Variants in SEC22A observed in about 807,000 individuals in gnomAD.
The protein encoded by SEC22A is SEC22 homolog A, vesicle trafficking protein, also known as vesicle-trafficking protein SEC22a.
A neutral mutation model predicts 35.3 loss-of-function variants in SEC22A; 22 were observed. The observed-to-expected ratio is 0.62, with a 90% confidence interval of 0.45 to 0.89. SEC22A has a LOEUF of 0.89. SEC22A is among the 40% of genes least tolerant of loss of function. The pLI, the probability that SEC22A is intolerant of heterozygous loss-of-function variation, is 0.00. For synonymous variants in SEC22A, 119 were observed against 129.5 expected (o/e 0.92, Z 0.55); for missense variants, 354 against 362.5 (o/e 0.98, Z 0.19).
intron 5 of SEC22A, among the ~76,000 whole-genome samples, chr3:123,250,207 C>G (rs1013190087): frequency 7.9e-5 from 12 of 151,974 alleles, no homozygotes; most frequent in Admixed American, 5.9e-4. Flanking sequence ...GTCAAGAGCT[C>G]GAGACCATCC....
At chr3:123,263,638 C>T (rs1374432826) in intron 6 of SEC22A, among the ~76,000 whole-genome samples, 2 of 151,458 alleles carry the variant, frequency 1.3e-5, no homozygotes, top group Non-Finnish European at 2.9e-5. Context: ...GCCTCAGCCT[C>T]CTGAGTAGCT....
intron 4 of SEC22A, among the ~76,000 whole-genome samples, chr3:123,243,386 A>AAGT (rs1937541287): frequency 6.6e-6 from 1 of 152,130 alleles, no homozygotes; most frequent in African/African-American, 2.4e-5. Flanking sequence ...CTGTTGGTAG[A>AAGT]AGTAGTAGTT....
At position 123,209,186 on chromosome 3, in the gene SEC22A, C is replaced by G; in HGVS notation, c.-19-13C>G. 1 of 1,606,754 alleles carries G rather than the reference C, an allele frequency of 6.2e-7. No homozygotes were observed. The highest frequency in any genetic ancestry group is 8.5e-7 in the Non-Finnish European group (1 of 1,174,084). On this transcript the variant is annotated splice_polypyrimidine_tract_variant and intron_variant, in intron 1 of 6. Transcript: ENST00000492595. ...TAATTTTTATGTAACCCAAATTGTT[C>G]ATTTTGTTTTAGGTCTTCTCTGTTG...
In SEC22A at chr3:123,209,143, G is replaced by A. The variant is rs1936896307; in HGVS notation, c.-19-56G>A. On this transcript the variant is annotated intron_variant, in intron 1 of 6. Coordinates refer to ENST00000492595, the MANE Select transcript of SEC22A (RefSeq NM_012430.5). ...TAGTAAGTTGAACATTTTTACATATGCTTATCAAGTTTGGCTTTAATTTTT... is the reference window on the plus strand; with the variant it reads ...TAGTAAGTTGAACATTTTTACATATACTTATCAAGTTTGGCTTTAATTTTT... The A allele has an allele frequency of 1.3e-5, 18 of 1,358,222 alleles. No homozygotes were observed. In the South Asian group the frequency reaches 1.4e-4, roughly 11 times the overall value. The allele number at this position is 1,358,222 out of a possible 1,614,324, so 84.1% of individuals were successfully genotyped here.
intron 1 of SEC22A, among the ~76,000 whole-genome samples, chr3:123,205,549 A>G (rs1343742538): frequency 6.6e-6 from 1 of 152,094 alleles, no homozygotes; most frequent in Admixed American, 6.5e-5. Flanking sequence ...TTAGCCAGGC[A>G]TGGTGGCGGG....
At chr3:123,264,790 A>G (rs1937989082) in intron 6 of SEC22A, among the ~76,000 whole-genome samples, 1 of 151,598 alleles carries the variant, frequency 6.6e-6, no homozygotes, top group South Asian at 2.1e-4. Flanking sequence ...CATCATGCCT[A>G]GCTAATTTTG....
rs371264824 is a variant in SEC22A, at chr3:123,223,760, G to T, written c.346+38G>T. 7.4e-6 allele frequency: 11 copies of T among 1,488,388 alleles called. No homozygotes were observed. The Middle Eastern group carries it at 7.0e-4, about 94-fold the overall frequency. The allele number at this position is 1,488,388 out of a possible 1,614,324, so 92.2% of individuals were successfully genotyped here. A position where few individuals can be genotyped will look rare whatever the true frequency, so the allele number is the denominator to read the frequency against. On this transcript the variant is annotated intron_variant, in intron 3 of 6. Transcript: ENST00000492595. ...TTTTTTTTTCCTTTTTATTCTGTCT[G>T]CATCCAATCATAAGCAATTTTAAAT...
intron 4 of SEC22A, among the ~76,000 whole-genome samples, chr3:123,237,707 T>C (rs1371510991): frequency 2.6e-5 from 4 of 152,182 alleles, no homozygotes; most frequent in Admixed American, 6.5e-5. Flanking sequence ...GGGGTCCAAC[T>C]TGACTTACCA....
intron 6 of SEC22A, among the ~76,000 whole-genome samples, chr3:123,261,842 C>A (rs1438869236): frequency 6.6e-6 from 1 of 152,110 alleles, no homozygotes; most frequent in Admixed American, 6.6e-5. Flanking sequence ...CAGGTGACTA[C>A]CAGGCTATAG....
intron 1 of SEC22A, among the ~76,000 whole-genome samples, chr3:123,206,988 T>C (rs369957524): frequency 6.6e-6 from 1 of 152,190 alleles, no homozygotes; most frequent in South Asian, 2.1e-4. Flanking sequence ...CTCGCGAGGC[T>C]GAGGCATGAG....
chr3:123,222,270 C>G (rs1296562831), intron 2 of SEC22A, among the ~76,000 whole-genome samples: 1 of 152,062 alleles, frequency 6.6e-6, no homozygotes, highest in Non-Finnish European at 1.5e-5. Flanking sequence ...GCAATCTCGG[C>G]TCTTTGCAAC....
intron 6 of SEC22A, among the ~76,000 whole-genome samples, chr3:123,265,926 A>G (rs1938013698): frequency 6.6e-6 from 1 of 152,164 alleles, no homozygotes; most frequent in Admixed American, 6.6e-5. Flanking sequence ...CACCACTACC[A>G]CATAGTCTCG....
intron 4 of SEC22A, among the ~76,000 whole-genome samples, chr3:123,242,552 A>G (rs1449288306): frequency 6.6e-6 from 1 of 151,002 alleles, no homozygotes; most frequent in Non-Finnish European, 1.5e-5. Flanking sequence ...CCAAGCACTC[A>G]GATTCCCATT....
chr3:123,264,335 G>T (rs1248034196), intron 6 of SEC22A, among the ~76,000 whole-genome samples: 1 of 152,222 alleles, frequency 6.6e-6, no homozygotes, highest in African/African-American at 2.4e-5. Context: ...AAATGCCTAG[G>T]AGTACAATTG....
At chr3:123,208,730 A>AC (rs947752290) in intron 1 of SEC22A, 7 of 153,800 alleles carry the variant, frequency 4.6e-5, no homozygotes, top group African/African-American at 1.8e-4. Context: ...AAAAAAAAAA[A>AC]CAAAAAACAA....
intron 6 of SEC22A, among the ~76,000 whole-genome samples, chr3:123,262,293 C>T (rs1219808511): frequency 1.3e-5 from 2 of 152,136 alleles, no homozygotes; most frequent in African/African-American, 4.8e-5. Context: ...AGCAAAGGAT[C>T]AGTGAAGAAA....
At chr3:123,244,936 A>G (rs1351654600) in intron 4 of SEC22A, among the ~76,000 whole-genome samples, 2 of 152,196 alleles carry the variant, frequency 1.3e-5, no homozygotes, top group African/African-American at 4.8e-5. Flanking sequence ...AAGCTATTGT[A>G]TAACTTTTGT....
In SEC22A at chr3:123,241,572, C is replaced by T. The variant is rs1937523333; in HGVS notation, c.542-4327C>T. 2.0e-5 allele frequency among the ~76,000 whole-genome samples: 3 copies of T among 151,898 alleles called. No homozygotes were observed. In the South Asian group the frequency reaches 6.2e-4, roughly 32 times the overall value. ...TCATCTTCACTGAATTATTTCATTCCACCTATGTATGTATTCAAGTCTTCC... is the reference window on the plus strand; with the variant it reads ...TCATCTTCACTGAATTATTTCATTCTACCTATGTATGTATTCAAGTCTTCC... On this transcript the variant is annotated intron_variant, in intron 4 of 6. Transcript: ENST00000492595.
intron 4 of SEC22A, among the ~76,000 whole-genome samples, chr3:123,235,020 CAA>C (rs535445052): frequency 1.8e-3 from 222 of 121,536 alleles, no homozygotes; most frequent in Middle Eastern, 4.5e-3. Context: ...GACCTTGTCT[CAA>C]AAAAAAAAAA....
Sources: allele counts gnomAD v4.1 joint callset (sites outside exome capture counted in the v4.1 genomes callset), GRCh38; gene constraint gnomAD v4.1.1; transcripts MANE v1.5; gene names NCBI Gene and HGNC (gene_info 2026-07-23, HGNC 2026-07-21).